STXBP5: variants seen among roughly 807,000 people sequenced by gnomAD.
The protein encoded by STXBP5 is syntaxin-binding protein 5.
STXBP5 carries 50 observed loss-of-function variants against 152.4 expected under a neutral mutation model. The ratio of observed to expected loss-of-function variants is 0.33; its 90% CI spans 0.26 to 0.42. The LOEUF (loss-of-function observed/expected upper bound fraction) is 0.42. STXBP5 is among the 10% of genes least tolerant of loss of function. The pLI is 1.00. For synonymous variants in STXBP5, 492 were observed against 494.7 expected (o/e 0.99, Z 0.07); for missense variants, 1,167 against 1,388.6 (o/e 0.84, Z 2.54).
intron 9 of STXBP5, among the ~76,000 whole-genome samples, chr6:147,295,406 G>A (rs931447826): frequency 1.3e-5 from 2 of 152,166 alleles, no homozygotes; most frequent in Non-Finnish European, 2.9e-5. Flanking sequence ...GGGTCCTTGA[G>A]CAAGACGTCT....
chr6:147,284,809 A>G (rs1352772601), intron 8 of STXBP5, among the ~76,000 whole-genome samples: 1 of 152,270 alleles, frequency 6.6e-6, no homozygotes, highest in Non-Finnish European at 1.5e-5. Flanking sequence ...CAGAGGCAAG[A>G]TTATATATCA....
At chr6:147,231,770 C>A (rs1228694172) in intron 2 of STXBP5, among the ~76,000 whole-genome samples, 1 of 151,874 alleles carries the variant, frequency 6.6e-6, no homozygotes, top group African/African-American at 2.4e-5. Context: ...AACATAGCCA[C>A]AGTAAGTGGA....
At chr6:147,242,133 G>A (rs1778577007) in intron 4 of STXBP5, among the ~76,000 whole-genome samples, 1 of 150,364 alleles carries the variant, frequency 6.7e-6, no homozygotes, top group South Asian at 2.1e-4. Flanking sequence ...CTGATCCTGT[G>A]TAGGCCTAGG....
intron 5 of STXBP5, 32 bp downstream of exon 5, chr6:147,260,781 G>A: frequency 7.5e-6 from 12 of 1,608,822 alleles, no homozygotes; most frequent in Non-Finnish European, 8.5e-6. Context: ...GTATCTGAAA[G>A]CATCAGTTCT....
intron 26 of STXBP5, 145 bp from the exon 27 acceptor site, chr6:147,382,632 AG>A: frequency 1.3e-6 from 1 of 773,146 alleles, no homozygotes; most frequent in Non-Finnish European, 2.1e-6. Flanking sequence ...AACAAAAGAA[AG>A]CATGTATTAA....
intron 22 of STXBP5, among the ~76,000 whole-genome samples, chr6:147,358,821 T>C (rs1784927732): frequency 6.6e-6 from 1 of 151,752 alleles, no homozygotes; most frequent in African/African-American, 2.4e-5. Context: ...TTCCATAGAG[T>C]AGACTGAAGA....
chr6:147,293,239 G>A (rs1022573095), intron 9 of STXBP5: 2 of 152,048 alleles, frequency 1.3e-5, no homozygotes, highest in Non-Finnish European at 2.9e-5. Context: ...TTCCTCAGAA[G>A]GTATCCTTTG....
chr6:147,245,638 G>A (rs1189991994), intron 4 of STXBP5, among the ~76,000 whole-genome samples: 3 of 152,188 alleles, frequency 2.0e-5, no homozygotes, highest in East Asian at 3.8e-4. Context: ...CTAACCCCTG[G>A]TACCTATGAA....
At chr6:147,324,480 C>T (rs1490507738) in intron 16 of STXBP5, among the ~76,000 whole-genome samples, 1 of 151,880 alleles carries the variant, frequency 6.6e-6, no homozygotes, top group Non-Finnish European at 1.5e-5. Flanking sequence ...ACCATATTAA[C>T]CAGGATGGTC....
chr6:147,360,341 T>C (rs895207096), intron 23 of STXBP5, among the ~76,000 whole-genome samples: 4 of 152,164 alleles, frequency 2.6e-5, no homozygotes, highest in African/African-American at 4.8e-5. Context: ...TAAAGACACA[T>C]GCACATGTAT....
In STXBP5 at chr6:147,278,162, G is replaced by A. The variant is rs1780535311; in HGVS notation, c.796G>A (p.Val266Ile). Residue 266 changes from valine (V) to isoleucine (I), a missense_variant, in exon 8 of 28, where the codon GTA (valine) becomes ATA (isoleucine). By Grantham distance (29) the Val-to-Ile change is conservative. Coordinates refer to ENST00000321680, the MANE Select transcript of STXBP5 (RefSeq NM_001127715.4). The stretch of plus-strand genomic sequence containing the variant: ...AGATGGCACCTTGACTATATGGAAT[G>A]TAAGGTCCCCTGCTAAACCAGTACA... ...HSDGTLTIWN[V>I]RSPAKPVQTI... The A allele has an allele frequency of 3.1e-6, 5 of 1,612,796 alleles. No individual in the cohort carries two copies. The highest frequency in any genetic ancestry group is 1.1e-5 in the South Asian group (1 of 91,010).
chr6:147,267,926 C>T (rs1431470943), intron 7 of STXBP5, among the ~76,000 whole-genome samples: 4 of 152,246 alleles, frequency 2.6e-5, no homozygotes, highest in South Asian at 4.1e-4. Flanking sequence ...CTTTCCTTCT[C>T]TACTTATTAT....
At chr6:147,367,376 C>T (rs971219601) in intron 25 of STXBP5, among the ~76,000 whole-genome samples, 4 of 152,072 alleles carry the variant, frequency 2.6e-5, no homozygotes, top group African/African-American at 7.2e-5. Context: ...TGGTGGCTCA[C>T]GCCTGTAATC....
chr6:147,367,766 AAATT>A (rs1480921717), intron 25 of STXBP5, among the ~76,000 whole-genome samples: 1 of 152,166 alleles, frequency 6.6e-6, no homozygotes, highest in African/African-American at 2.4e-5. Context: ...AAAACTAATA[AAATT>A]AATCTCAAGC....
chr6:147,265,697 A>G (rs1039847410), intron 6 of STXBP5, among the ~76,000 whole-genome samples: 34 of 152,180 alleles, frequency 2.2e-4, no homozygotes, highest in African/African-American at 7.2e-4. Context: ...GGCAGCGTAC[A>G]TAGTTTGTGA....
Position 147,386,070 on chromosome 6 carries a change from T to C in STXBP5, c.*1315T>C, listed in dbSNP as rs1196516107. 1 of 152,058 alleles carries C rather than the reference T, an allele frequency of 6.6e-6. No individual in the cohort carries two copies. Among genetic ancestry groups the C allele is most frequent in the Non-Finnish European group, 1.5e-5 (1 of 67,942 alleles). 9.4% of individuals were successfully genotyped at this position (152,058 alleles called of 1,614,324 possible). A position where few individuals can be genotyped will look rare whatever the true frequency, so the allele number is the denominator to read the frequency against. Reference sequence around the variant, plus strand: ...AGACCAGCAATGGACAATGAATGATTGTTTCATAGAATAGCATTACGGGCA... The same window carrying C: ...AGACCAGCAATGGACAATGAATGATCGTTTCATAGAATAGCATTACGGGCA... On this transcript the variant is annotated 3_prime_UTR_variant, in exon 28 of 28. Coordinates refer to ENST00000321680, the MANE Select transcript of STXBP5 (RefSeq NM_001127715.4).
chr6:147,313,997 G>C lies in STXBP5; in HGVS notation c.1259G>C (p.Gly420Ala). 6.3e-7 allele frequency: 1 copy of C among 1,596,492 alleles called. No individual in the cohort carries two copies. The highest frequency in any genetic ancestry group is 8.6e-7 in the Non-Finnish European group (1 of 1,169,116). Reference sequence around the variant, plus strand: ...CTTATTCCTGCACTTTATTCTGTTGGAGCTAGACAGAAACGTCAAGGTTAC... The same window carrying C: ...CTTATTCCTGCACTTTATTCTGTTGCAGCTAGACAGAAACGTCAAGGTTAC... ...VDLIPALYSV[G>A]ARQKRQGYSK... Residue 420 changes from glycine (G) to alanine (A), a missense_variant, in exon 12 of 28, where the codon GGA (glycine) becomes GCA (alanine). Gly to Ala is a moderately conservative substitution (Grantham distance 60, BLOSUM62 0). Around this residue, in one of 3 missense-constraint regions of STXBP5, gnomAD observed 833 missense variants for 986.3 expected, o/e 0.84. Coordinates refer to ENST00000321680, the MANE Select transcript of STXBP5 (RefSeq NM_001127715.4).
intron 4 of STXBP5, among the ~76,000 whole-genome samples, chr6:147,243,390 T>A (rs1431479294): frequency 6.6e-6 from 1 of 152,220 alleles, no homozygotes; most frequent in East Asian, 1.9e-4. Context: ...GCTGCTTTGA[T>A]GAGTTGTCCA....
intron 2 of STXBP5, among the ~76,000 whole-genome samples, chr6:147,220,382 T>G (rs1777399402): frequency 6.6e-6 from 1 of 152,154 alleles, no homozygotes. Context: ...AGATGTCCAT[T>G]ATATCTAGTT....
Sources: allele counts gnomAD v4.1 joint callset (sites outside exome capture counted in the v4.1 genomes callset), GRCh38; gene constraint gnomAD v4.1.1; regional missense constraint gnomAD v4.1.1; transcripts MANE v1.5; gene names NCBI Gene and HGNC (gene_info 2026-07-23, HGNC 2026-07-21).